ADGRG4: variants seen among roughly 807,000 people sequenced by gnomAD.
The protein encoded by ADGRG4 is adhesion G protein-coupled receptor G4.
In ADGRG4, 122 loss-of-function variants were observed where a neutral mutation model predicts 126.2. The ratio of observed to expected loss-of-function variants is 0.97; its 90% CI spans 0.83 to 1.12. The LOEUF (loss-of-function observed/expected upper bound fraction) is 1.12. Among genes scored for constraint, ADGRG4 ranks in the 50% most tolerant of loss-of-function variants. ADGRG4 has a pLI of 0.00. For missense variants in ADGRG4, 2,481 were observed against 2,251.8 expected, an observed-to-expected ratio of 1.10 and a Z score of -2.06; for synonymous variants, 943 against 838.7, an observed-to-expected ratio of 1.12 and a Z score of -2.15.
intron 15 of ADGRG4, among the ~76,000 whole-genome samples, chrX:136,384,330 C>T (rs926231656): frequency 7.2e-5 from 8 of 111,639 alleles, no homozygotes; most frequent in South Asian, 7.4e-4. Context: ...TTAAACCAGA[C>T]GTGTCAATTT....
At chrX:136,360,806 C>G (rs2075123570) in intron 11 of ADGRG4, among the ~76,000 whole-genome samples, 1 of 110,850 alleles carries the variant, frequency 9.0e-6, no homozygotes, top group Non-Finnish European at 1.9e-5. Context: ...ACTGAATTTA[C>G]TAAAATGAAA....
rs73637915 is a variant in ADGRG4 at position 136,361,399 on chromosome X, T to C, written c.7145-56T>C. The C allele has an allele frequency of 2.5e-3, 1,837 of 723,296 alleles. 36 individuals are homozygous for C. The African/African-American group carries it at 0.037, about 14-fold the overall frequency. The allele number at this position is 723,296 out of a possible 1,213,427, so 59.6% of individuals were successfully genotyped here. On this transcript the variant is annotated intron_variant, in intron 11 of 25. Coordinates refer to ENST00000394143, the MANE Select transcript of ADGRG4 (RefSeq NM_153834.4). ...TATAGTAATAATAATAATGGATGTTTGTAATACTTTTAAGTGCCTCTTGTC... is the reference window on the plus strand; with the variant it reads ...TATAGTAATAATAATAATGGATGTTCGTAATACTTTTAAGTGCCTCTTGTC...
rs757162533 is a variant in ADGRG4, at chrX:136,342,738, TA to T, written c.686-1645del. On this transcript the variant is annotated intron_variant, in intron 5 of 25. Transcript: ENST00000394143. ...ATTAGAGAACTAAAAAGAGGAAGAC[TA>T]AAAAAAAACAGAGGGGACTTAGCAC... Among the ~76,000 whole-genome samples the T allele has an allele frequency of 5.5e-4, 59 of 107,204 alleles. 1 individual carries two copies. In the East Asian group the frequency reaches 0.014, roughly 25 times the overall value. 93.1% of individuals were successfully genotyped at this position (107,204 alleles called of 115,157 possible).
chrX:136,314,017 C>G lies in ADGRG4; in HGVS notation c.70+5170C>G, dbSNP rs561939402. 6.1e-4 allele frequency among the ~76,000 whole-genome samples: 68 copies of G among 111,792 alleles called. No homozygotes were observed. The Middle Eastern group carries it at 0.014, about 23-fold the overall frequency. On this transcript the variant is annotated intron_variant, in intron 4 of 25. Transcript: ENST00000394143. ...CTTCCCTTTCTCTCACTCTCCACATCTAATCCATTGAGTCTTGTTCATGCC... is the reference window on the plus strand; with the variant it reads ...CTTCCCTTTCTCTCACTCTCCACATGTAATCCATTGAGTCTTGTTCATGCC...
In ADGRG4 at chrX:136,348,448, C is replaced by T; in HGVS notation, c.4742C>T (p.Thr1581Ile). 8.3e-7 allele frequency: 1 copy of T among 1,207,806 alleles called. No individual in the cohort carries two copies. The highest frequency in any genetic ancestry group is 1.1e-6 in the Non-Finnish European group (1 of 891,945). ...ACACCTGCAACAGTCTCTTCTGACA[C>T]TTCCACAAGAGTTGGGTTATTCTCT... ...AFTPATVSSD[T>I]STRVGLFSTL... Residue 1581 changes from threonine (T) to isoleucine (I), a missense_variant, in exon 6 of 26, where the codon ACT becomes ATT. Physicochemically the swap from Thr to Ile is moderately conservative, Grantham distance 89. Coordinates refer to ENST00000394143, the MANE Select transcript of ADGRG4 (RefSeq NM_153834.4).
intron 8 of ADGRG4, 58 bp from the exon 9 acceptor site, chrX:136,356,068 C>G: frequency 1.1e-6 from 1 of 890,535 alleles, no homozygotes; most frequent in Non-Finnish European, 1.6e-6. Flanking sequence ...GATCTCATGC[C>G]CTGTATACTT....
intron 8 of ADGRG4, among the ~76,000 whole-genome samples, chrX:136,353,993 G>A (rs2075078384): frequency 9.0e-6 from 1 of 111,539 alleles, no homozygotes; most frequent in Non-Finnish European, 1.9e-5. Flanking sequence ...CCTCTGTAAA[G>A]GGACACCCCG....
intron 23 of ADGRG4, among the ~76,000 whole-genome samples, chrX:136,407,767 C>T (rs2075423176): frequency 8.9e-6 from 1 of 111,876 alleles, no homozygotes; most frequent in Admixed American, 9.5e-5. Flanking sequence ...CCCTTTGAGG[C>T]TACTGGCACT....
chrX:136,349,766 G>A lies in ADGRG4; in HGVS notation c.6060G>A (p.Pro2020=), dbSNP rs374261576. 8.7e-5 allele frequency: 105 copies of A among 1,207,289 alleles called. No homozygotes were observed. Among genetic ancestry groups the A allele is most frequent in the Non-Finnish European group, 5.8e-5 (52 of 894,084 alleles). ...LLSSLPSGSP[P]ATVSNAPHVM... Reference sequence around the variant, plus strand: ...CTAGTCTCCCTTCTGGCTCCCCTCCGGCAACTGTATCTAATGCCCCTCATG... The same window carrying A: ...CTAGTCTCCCTTCTGGCTCCCCTCCAGCAACTGTATCTAATGCCCCTCATG... Residue 2020 remains proline, a synonymous_variant, in exon 6 of 26, where the codon CCG becomes CCA. Coordinates refer to ENST00000394143, the MANE Select transcript of ADGRG4 (RefSeq NM_153834.4).
chrX:136,372,065 A>T (rs769376505), intron 14 of ADGRG4, among the ~76,000 whole-genome samples: 27 of 111,674 alleles, frequency 2.4e-4, no homozygotes, highest in Non-Finnish European at 4.0e-4. Context: ...TTCAAATTCG[A>T]ATTGAATCTT....
At chrX:136,384,091 A>G (rs1490719182) in intron 15 of ADGRG4, among the ~76,000 whole-genome samples, 1 of 108,997 alleles carries the variant, frequency 9.2e-6, no homozygotes, top group Admixed American at 9.9e-5. Context: ...TTTTATTTTT[A>G]GTAGAGACAG....
In ADGRG4 at chrX:136,400,054, T is replaced by C; in HGVS notation, c.8513T>C (p.Leu2838Pro). ...GLEAVHMYLA[L>P]VKVFNIYIPN... is the part of the protein sequence containing the mutation. ...GAGGCAGTCCACATGTATTTGGCTC[T>C]AGTCAAAGTCTTCAACATATACATT... The change falls in exon 21 of 26, where the codon CTA (leucine) becomes CCA (proline). Residue 2838 changes from leucine (L) to proline (P), a missense_variant. Physicochemically the swap from Leu to Pro is moderately conservative, Grantham distance 98 (BLOSUM62 -3). Transcript: ENST00000394143. The C allele has an allele frequency of 2.5e-6, 3 of 1,205,641 alleles. No individual in the cohort carries two copies. The highest frequency in any genetic ancestry group is 1.1e-6 in the Non-Finnish European group (1 of 889,788).
chrX:136,351,199 T>A (rs2075060473), intron 6 of ADGRG4, among the ~76,000 whole-genome samples: 1 of 111,279 alleles, frequency 9.0e-6, no homozygotes, highest in African/African-American at 3.3e-5. Context: ...ATTTGTGGAG[T>A]GTCTGTCAAC....
chrX:136,351,336 G>A (rs1297117754), intron 6 of ADGRG4, 111 bp from the exon 7 acceptor site: 4 of 376,608 alleles, frequency 1.1e-5, no homozygotes, highest in Admixed American at 1.1e-4. Flanking sequence ...TTAGGCATGA[G>A]ACGTTATTAT....
At chrX:136,374,122 T>C (rs2075211323) in intron 15 of ADGRG4, among the ~76,000 whole-genome samples, 1 of 109,605 alleles carries the variant, frequency 9.1e-6, no homozygotes, top group Non-Finnish European at 1.9e-5. Flanking sequence ...TGAAATCTTA[T>C]AATATGTACT....
chrX:136,415,130 G>C (rs1052476360), intron 25 of ADGRG4, among the ~76,000 whole-genome samples: 4 of 111,991 alleles, frequency 3.6e-5, no homozygotes, highest in Admixed American at 9.4e-5. Flanking sequence ...TAAGACCAAA[G>C]TATACTCCAG....
rs766927591 is a variant in ADGRG4, at chrX:136,348,864, G to A, written c.5158G>A (p.Gly1720Arg). 4.1e-5 allele frequency: 49 copies of A among 1,205,988 alleles called. No homozygotes were observed. Among genetic ancestry groups the A allele is most frequent in the Non-Finnish European group, 4.8e-5 (43 of 893,466 alleles). ...DEATTLGILS[G>R]ITNRSLSTVN... ...GGCTACAACTTTGGGCATATTATCT[G>A]GGATTACTAACAGGTCCCTATCTAC... Residue 1720 changes from glycine (G) to arginine (R), a missense_variant, in exon 6 of 26, where the codon GGG (glycine) becomes AGG (arginine). Coordinates refer to ENST00000394143, the MANE Select transcript of ADGRG4 (RefSeq NM_153834.4).
chrX:136,305,309 A>G (rs1335388968), intron 3 of ADGRG4, among the ~76,000 whole-genome samples: 1 of 111,778 alleles, frequency 8.9e-6, no homozygotes, highest in African/African-American at 3.3e-5. Flanking sequence ...TATGAGATGA[A>G]GAGGAAAATG....
At chrX:136,379,400 T>G (rs919449587) in intron 15 of ADGRG4, among the ~76,000 whole-genome samples, 1 of 110,095 alleles carries the variant, frequency 9.1e-6, no homozygotes, top group African/African-American at 3.3e-5. Context: ...TGAATGTTCT[T>G]ATATGTTTGT....
Sources: allele counts gnomAD v4.1 joint callset (sites outside exome capture counted in the v4.1 genomes callset), GRCh38; gene constraint gnomAD v4.1.1; transcripts MANE v1.5; gene names NCBI Gene and HGNC (gene_info 2026-07-23, HGNC 2026-07-21).